MMRN1: variants seen among roughly 807,000 people sequenced by gnomAD.
MMRN1 encodes multimerin-1.
Under a neutral mutation model 100.7 loss-of-function variants are expected in MMRN1, and 94 were observed. The ratio of observed to expected loss-of-function variants is 0.93; its 90% confidence interval spans 0.79 to 1.11. MMRN1 has a LOEUF of 1.11. MMRN1 is among the 50% of genes least tolerant of loss of function. The pLI is 0.00. For synonymous variants in MMRN1, 575 were observed against 505.0 expected (o/e 1.14, Z -1.86); for missense variants, 1,606 against 1,439.1 (o/e 1.12, Z -1.88).
intron 6 of MMRN1, among the ~76,000 whole-genome samples, chr4:89,948,444 T>A (rs1021622881): frequency 6.6e-6 from 1 of 152,190 alleles, no homozygotes. Context: ...AATTTTATTA[T>A]CAATAATAAT....
chr4:89,893,717 T>C (rs1721106248), upstream of MMRN1, among the ~76,000 whole-genome samples: 1 of 152,128 alleles, frequency 6.6e-6, no homozygotes, highest in South Asian at 2.1e-4. Flanking sequence ...GTTTTCCTTA[T>C]AATCCTAGCA....
At chr4:89,881,709 A>G (rs979493879) in intron 1 of MMRN1, among the ~76,000 whole-genome samples, 6 of 151,834 alleles carry the variant, frequency 4.0e-5, no homozygotes, top group Non-Finnish European at 8.8e-5. Flanking sequence ...ATTGATTCAT[A>G]TTTTTGCCCA....
chr4:89,950,006 A>G (rs1215237481), intron 6 of MMRN1, among the ~76,000 whole-genome samples: 4 of 152,236 alleles, frequency 2.6e-5, no homozygotes. Context: ...GGCAAGTAGT[A>G]TAAGCGCTGA....
At chr4:89,894,583 A>G (rs1187513543), upstream of MMRN1, 1 of 166,260 alleles carries the variant, frequency 6.0e-6, no homozygotes, top group African/African-American at 2.4e-5. Flanking sequence ...AAAATTTTGC[A>G]CTCTCTATCG....
Position 89,902,624 on chromosome 4 carries a change from GTC to G in MMRN1, c.624-6651_624-6650del, listed in dbSNP as rs1560581919. On this transcript the variant is annotated intron_variant, in intron 1 of 7. Coordinates refer to ENST00000264790, the MANE Select transcript of MMRN1 (RefSeq NM_007351.3). The stretch of plus-strand genomic sequence containing the variant: ...ATTTGTGGCTGTGAGGCACTCTACA[GTC>G]ATCTATCATTGAAAACTCAATTACA... Among the ~76,000 whole-genome samples, 4 of 151,858 alleles carry G rather than the reference GTC, an allele frequency of 2.6e-5. 1 individual carries two copies. The highest frequency in any genetic ancestry group is 6.3e-3 in the Middle Eastern group (2 of 316).
chr4:89,896,519 G>T (rs1721211697), intron 1 of MMRN1, among the ~76,000 whole-genome samples: 2 of 152,104 alleles, frequency 1.3e-5, no homozygotes. Flanking sequence ...TCATCTGTAT[G>T]TTTGGAATAC....
chr4:89,926,161 A>G (rs1404450236), intron 4 of MMRN1, among the ~76,000 whole-genome samples: 1 of 152,148 alleles, frequency 6.6e-6, no homozygotes, highest in Non-Finnish European at 1.5e-5. Context: ...GGATTGCTAG[A>G]TCATATGGTA....
chr4:89,948,267 CA>C (rs1216668395), intron 6 of MMRN1, among the ~76,000 whole-genome samples: 3 of 152,106 alleles, frequency 2.0e-5, no homozygotes, highest in African/African-American at 7.2e-5. Flanking sequence ...ACTAATCCAT[CA>C]GGTATTTTTT....
In MMRN1 at chr4:89,935,483, T is replaced by G. The variant is rs747965308; in HGVS notation, c.1803T>G (p.Asn601Lys). The G allele has an allele frequency of 1.2e-6, 2 of 1,613,484 alleles. No homozygotes were observed. The highest frequency in any genetic ancestry group is 1.7e-6 in the Non-Finnish European group (2 of 1,179,744). Reference protein sequence around the residue: ...ECEDMLSKCRNDFKFQLKDTE... With the variant: ...ECEDMLSKCRKDFKFQLKDTE... ...AAGACATGTTATCCAAATGCAGAAA[T>G]GATTTTAAATTTCAACTTAAGGACA... The change falls in exon 6 of 8, where the codon AAT (asparagine) becomes AAG (lysine). Residue 601 changes from asparagine to lysine, a missense_variant. Transcript: ENST00000264790.
chr4:89,922,174 G>T (rs1161902090), intron 3 of MMRN1, among the ~76,000 whole-genome samples: 1 of 151,958 alleles, frequency 6.6e-6, no homozygotes, highest in Non-Finnish European at 1.5e-5. Flanking sequence ...ATGCCATCTC[G>T]GCTCACTGCA....
At chr4:89,913,732 T>G (rs550734785) in intron 3 of MMRN1, among the ~76,000 whole-genome samples, 1 of 151,400 alleles carries the variant, frequency 6.6e-6, no homozygotes, top group South Asian at 2.1e-4. Context: ...TTGTATTAAT[T>G]TCCAGTGGCA....
At chr4:89,911,739 A>G (rs1285087041) in intron 2 of MMRN1, among the ~76,000 whole-genome samples, 1 of 151,400 alleles carries the variant, frequency 6.6e-6, no homozygotes, top group Non-Finnish European at 1.5e-5. Flanking sequence ...AAATACCATA[A>G]CTAGTAATGC....
In MMRN1 at chr4:89,953,537, T is replaced by C. The variant is rs1186756662; in HGVS notation, c.*119T>C. 3 of 815,436 alleles carry C rather than the reference T, an allele frequency of 3.7e-6. No individual in the cohort carries two copies. Among genetic ancestry groups the C allele is most frequent in the African/African-American group, 3.5e-5 (2 of 57,268 alleles). The allele number at this position is 815,436 out of a possible 1,614,324, so 50.5% of individuals were successfully genotyped here. A position where few individuals can be genotyped will look rare whatever the true frequency, so the allele number is the denominator to read the frequency against. On this transcript the variant is annotated 3_prime_UTR_variant, in exon 8 of 8. Coordinates refer to ENST00000264790, the MANE Select transcript of MMRN1 (RefSeq NM_007351.3). ...ACAGGAAATGAAAATCAACTTGTTT[T>C]TTTAATATGAGTAAACTTGTATGTC...
chr4:89,900,261 A>C (rs1721342038), intron 1 of MMRN1, among the ~76,000 whole-genome samples: 2 of 152,100 alleles, frequency 1.3e-5, no homozygotes, highest in Non-Finnish European at 2.9e-5. Flanking sequence ...TTGGTCTTTC[A>C]TTCATTGTCA....
At chr4:89,881,363 T>TC (rs1432365064) in intron 1 of MMRN1, among the ~76,000 whole-genome samples, 3 of 152,100 alleles carry the variant, frequency 2.0e-5, no homozygotes, top group African/African-American at 7.2e-5. Context: ...GTTAAAGGAC[T>TC]CCAACAGAAT....
chr4:89,946,190 G>T (rs1173161493), intron 6 of MMRN1, among the ~76,000 whole-genome samples: 3 of 152,138 alleles, frequency 2.0e-5, no homozygotes, highest in Non-Finnish European at 4.4e-5. Flanking sequence ...ACAGAGCATT[G>T]GAATCAGGAT....
chr4:89,920,085 A>G (rs1388720978), intron 3 of MMRN1, among the ~76,000 whole-genome samples: 1 of 152,170 alleles, frequency 6.6e-6, no homozygotes, highest in Admixed American at 6.6e-5. Flanking sequence ...CCTACAAAAT[A>G]CATCCTTTAT....
intron 6 of MMRN1, among the ~76,000 whole-genome samples, chr4:89,948,048 C>T (rs1723042755): frequency 6.6e-6 from 1 of 152,098 alleles, no homozygotes; most frequent in Non-Finnish European, 1.5e-5. Flanking sequence ...GATGGGGTTT[C>T]ACCATGTTAG....
rs111576874 is a variant in MMRN1, at chr4:89,942,051, C to T, written c.3118+5253C>T. On this transcript the variant is annotated intron_variant, in intron 6 of 7. Transcript: ENST00000264790. ...TAAAGTAGCCAGGCTATCTAAGGTG[C>T]ATAGTCAGAAACCCAGACGTTTAAT... 7.3e-3 allele frequency among the ~76,000 whole-genome samples: 1,107 copies of T among 152,186 alleles called. 17 individuals carry two copies. The highest frequency in any genetic ancestry group is 0.023 in the African/African-American group (954 of 41,518).
Sources: allele counts gnomAD v4.1 joint callset (sites outside exome capture counted in the v4.1 genomes callset), GRCh38; gene constraint gnomAD v4.1.1; transcripts MANE v1.5; gene names NCBI Gene and HGNC (gene_info 2026-07-23, HGNC 2026-07-21).